Variants in MIER2 observed in about 807,000 individuals in gnomAD.
MIER2 encodes the protein mesoderm induction early response protein 2.
In MIER2, 30 loss-of-function variants were observed where a neutral mutation model predicts 67.6. That is an observed-to-expected ratio of 0.44 (90% confidence interval 0.33 to 0.60). The LOEUF (loss-of-function observed/expected upper bound fraction) is 0.60, where lower values mean the gene tolerates loss of function less well. Ranked by LOEUF, MIER2 falls within the 20% of genes least tolerant of loss-of-function variation. MIER2 has a pLI of 0.02. For synonymous variants in MIER2, 372 were observed against 312.6 expected (o/e 1.19, Z -2.00); for missense variants, 702 against 745.1 (o/e 0.94, Z 0.67).
At chr19:316,173 AAAGG>A (rs1971226513) in intron 7 of MIER2, among the ~76,000 whole-genome samples, 1 of 152,268 alleles carries the variant, frequency 6.6e-6, no homozygotes, top group African/African-American at 2.4e-5. Flanking sequence ...GGCCTATTAC[AAAGG>A]AAGTTCTTCC....
intron 3 of MIER2, among the ~76,000 whole-genome samples, chr19:331,975 C>A (rs1402434799): frequency 3.9e-5 from 6 of 151,932 alleles, no homozygotes; most frequent in Admixed American, 3.9e-4. Flanking sequence ...AGCAAGACTC[C>A]ATCTCAAAAA....
intron 3 of MIER2, among the ~76,000 whole-genome samples, chr19:330,922 G>A (rs935377028): frequency 2.0e-5 from 3 of 152,162 alleles, no homozygotes; most frequent in Non-Finnish European, 4.4e-5. Context: ...CACTTGATGG[G>A]TTTTGCTGTA....
chr19:328,908 G>GC (rs1971891247), intron 3 of MIER2, among the ~76,000 whole-genome samples: 1 of 152,228 alleles, frequency 6.6e-6, no homozygotes, highest in Admixed American at 6.5e-5. Flanking sequence ...GATGCTCTGA[G>GC]CCAATGTAAT....
rs568025442 is a variant in MIER2 at position 334,269 on chromosome 19, G to C, written c.243+131C>G. 119 of 1,317,558 alleles carry C rather than the reference G, an allele frequency of 9.0e-5. 4 individuals carry two copies. The South Asian group carries it at 1.5e-3, about 17-fold the overall frequency. The allele number at this position is 1,317,558 out of a possible 1,614,324, so 81.6% of individuals were successfully genotyped here. ...CCACTGAATTTCAGCTACTAGGACA[G>C]CATCTGGCACTTTGCAAAAAGATGT... On this transcript the variant is annotated intron_variant, in intron 3 of 13. Transcript: ENST00000264819.
At chr19:327,830 C>G in intron 4 of MIER2, 34 bp downstream of exon 4, 1 of 1,610,176 alleles carries the variant, frequency 6.2e-7, no homozygotes, top group Non-Finnish European at 8.5e-7. Context: ...CCACCTTCAG[C>G]TGTGAGCCAG....
Position 307,155 on chromosome 19 carries a change from C to A in MIER2, c.1580G>T (p.Cys527Phe). ...CTCCGAGTGTAGCCCGGGGGCCGGG[C>A]ACGTGGGGTGGGCGGCCAGGAAGGG... The part of the protein sequence containing the change: ...VNPFLAAHPT[C>F]PAPGLHSEPL... The change falls in exon 13 of 14, where the codon TGC (cysteine) becomes TTC (phenylalanine). Residue 527 changes from cysteine (C) to phenylalanine (F), a missense_variant. By Grantham distance (205) the Cys-to-Phe change is radical. Coordinates refer to ENST00000264819, the MANE Select transcript of MIER2 (RefSeq NM_017550.3). 6.3e-7 allele frequency: 1 copy of A among 1,588,698 alleles called. No individual in the cohort carries two copies. The highest frequency in any genetic ancestry group is 2.3e-5 in the East Asian group (1 of 43,790).
intron 10 of MIER2, among the ~76,000 whole-genome samples, chr19:310,329 AC>A (rs1970895586): frequency 6.6e-6 from 1 of 152,216 alleles, no homozygotes; most frequent in South Asian, 2.1e-4. Flanking sequence ...TGGGGGCGAG[AC>A]CGAGACAACC....
Position 306,368 on chromosome 19 carries a change from C to T in MIER2, c.*322G>A. On this transcript the variant is annotated 3_prime_UTR_variant, in exon 14 of 14. Coordinates refer to ENST00000264819, the MANE Select transcript of MIER2 (RefSeq NM_017550.3). ...CTGCTGGCTGGAAGGGACTAGGTGG[C>T]CGGCTCTGCCCTGCGTCCCAACGGC... The T allele has an allele frequency of 4.2e-6, 2 of 479,924 alleles. No individual in the cohort carries two copies. The highest frequency in any genetic ancestry group is 3.6e-5 in the Admixed American group (1 of 27,904). 29.7% of individuals were successfully genotyped at this position (479,924 alleles called of 1,614,324 possible).
chr19:338,617 C>T (rs1342605994), intron 1 of MIER2, among the ~76,000 whole-genome samples: 1 of 152,102 alleles, frequency 6.6e-6, no homozygotes, highest in East Asian at 1.9e-4. Context: ...CCCAAACAGC[C>T]CAAACAATCT....
intron 6 of MIER2, 116 bp from the exon 7 acceptor site, chr19:325,820 C>T: frequency 9.1e-7 from 1 of 1,104,260 alleles, no homozygotes; most frequent in South Asian, 1.3e-5. Flanking sequence ...AGACCCCAGA[C>T]CCATCTGTGC....
chr19:314,638 G>A (rs1422022395), intron 7 of MIER2, among the ~76,000 whole-genome samples: 3 of 151,994 alleles, frequency 2.0e-5, no homozygotes, highest in South Asian at 4.1e-4. Flanking sequence ...TCATGGCCAT[G>A]AGGAAAACAG....
chr19:335,269 A>C (rs1972190484), intron 2 of MIER2, among the ~76,000 whole-genome samples: 1 of 152,232 alleles, frequency 6.6e-6, no homozygotes, highest in African/African-American at 2.4e-5. Flanking sequence ...CCAGGGCACG[A>C]GGCCTCTAGG....
At position 316,246 on chromosome 19, in the gene MIER2, A is replaced by C. The variant is rs1600126668; in HGVS notation, c.656-2603T>G. Among the ~76,000 whole-genome samples the C allele has an allele frequency of 4.1e-5, 6 of 144,978 alleles. No homozygotes were observed. In the South Asian group the frequency reaches 1.2e-3, roughly 30 times the overall value. On this transcript the variant is annotated intron_variant, in intron 7 of 13. Coordinates refer to ENST00000264819, the MANE Select transcript of MIER2 (RefSeq NM_017550.3). ...GGAAATATGTGGATAGGATAAATACAAAGAATGTTCACTGTTTAAAACAAC... is the reference window on the plus strand; with the variant it reads ...GGAAATATGTGGATAGGATAAATACCAAGAATGTTCACTGTTTAAAACAAC...
chr19:320,749 G>A (rs755659356), intron 7 of MIER2, among the ~76,000 whole-genome samples: 8 of 152,318 alleles, frequency 5.3e-5, no homozygotes, highest in South Asian at 2.1e-4. Flanking sequence ...TCCAACATCC[G>A]TGGAAAAATT....
intron 2 of MIER2, 145 bp from the exon 3 acceptor site, chr19:334,687 C>T (rs1321425773): frequency 9.5e-7 from 1 of 1,054,534 alleles, no homozygotes; most frequent in African/African-American, 1.6e-5. Flanking sequence ...CCCAACAGGA[C>T]ACCCCACGAC....
rs560614729 is a variant in MIER2, at chr19:324,156, C to T, written c.655+1479G>A. The stretch of plus-strand genomic sequence containing the variant: ...ACACAGACGACTCGAATGACACAGG[C>T]GTCATCACAATGCAATACACAGGAC... On this transcript the variant is annotated intron_variant, in intron 7 of 13. Transcript: ENST00000264819. 4.4e-4 allele frequency among the ~76,000 whole-genome samples: 61 copies of T among 137,282 alleles called. 1 individual carries two copies. The highest frequency in any genetic ancestry group is 6.9e-4 in the Non-Finnish European group (45 of 65,490). 90.1% of individuals were successfully genotyped at this position (137,282 alleles called of 152,430 possible). A position where few individuals can be genotyped will look rare whatever the true frequency, so the allele number is the denominator to read the frequency against.
chr19:324,876 G>C (rs1322071588), intron 7 of MIER2, among the ~76,000 whole-genome samples: 1 of 152,234 alleles, frequency 6.6e-6, no homozygotes, highest in Non-Finnish European at 1.5e-5. Flanking sequence ...CCTGCCTTCT[G>C]GATGTCCCAG....
chr19:338,751 C>T (rs1972374385), intron 1 of MIER2, among the ~76,000 whole-genome samples: 1 of 152,188 alleles, frequency 6.6e-6, no homozygotes, highest in South Asian at 2.1e-4. Flanking sequence ...AATACAGTCA[C>T]ACATTCATAG....
chr19:316,062 C>T (rs1007960166), intron 7 of MIER2, among the ~76,000 whole-genome samples: 1 of 152,202 alleles, frequency 6.6e-6, no homozygotes, highest in Non-Finnish European at 1.5e-5. Flanking sequence ...TGAAAGAAAA[C>T]ACCCTGCAAA....
Sources: gnomAD v4.1 joint callset for allele counts (sites outside exome capture counted in the v4.1 genomes callset) on GRCh38, gnomAD v4.1.1 for gene constraint, MANE v1.5 for transcripts, NCBI Gene and HGNC (gene_info 2026-07-23, HGNC 2026-07-21) for gene names.